Variants in ARHGEF17 observed in about 807,000 individuals in gnomAD.
The protein encoded by ARHGEF17 is 164 kDa Rho-specific guanine-nucleotide exchange factor.
In ARHGEF17, 80 loss-of-function variants were observed where a neutral mutation model predicts 174.0. That is an observed-to-expected ratio of 0.46 (90% confidence interval 0.38 to 0.55). The LOEUF (loss-of-function observed/expected upper bound fraction) is 0.55. Among genes scored for constraint, ARHGEF17 ranks in the 20% least tolerant of loss-of-function variants. The pLI, the probability that ARHGEF17 is intolerant of heterozygous loss-of-function variation, is 0.00. For synonymous variants in ARHGEF17, 1,311 were observed against 1,189.1 expected, an observed-to-expected ratio of 1.10 and a Z score of -2.11; for missense variants, 2,886 against 2,839.7, an observed-to-expected ratio of 1.02 and a Z score of -0.37.
chr11:73,362,367 G>C, intron 13 of ARHGEF17, 66 bp from the exon 14 acceptor site: 1 of 1,459,752 alleles, frequency 6.9e-7, no homozygotes, highest in Non-Finnish European at 9.0e-7. Context: ...GGGTCGGTGG[G>C]CGTGTCCACC....
intron 13 of ARHGEF17, 78 bp downstream of exon 13, chr11:73,362,317 C>A (rs1274767753): frequency 2.1e-6 from 3 of 1,446,794 alleles, no homozygotes; most frequent in African/African-American, 2.8e-5. Flanking sequence ...TCTCAGGCCG[C>A]CCCGGCGTGG....
chr11:73,339,116 G>T (rs781416265), intron 1 of ARHGEF17, among the ~76,000 whole-genome samples: 1 of 152,156 alleles, frequency 6.6e-6, no homozygotes, highest in African/African-American at 2.4e-5. Context: ...TGCTGCCCCA[G>T]TACCGGCATT....
Position 73,352,889 on chromosome 11 carries a change from G to A in ARHGEF17, c.3330G>A (p.Val1110=). Residue 1110 remains valine, a synonymous_variant, in exon 3 of 21, where the codon GTG becomes GTA. Transcript: ENST00000263674. ...ENSVLCDPSL[V]DEIFDQIPEL... ...CCGTGCTCTGTGACCCTTCACTGGT[G>A]GACGAGATCTTCGACCAGATCCCCG... 6.2e-7 allele frequency: 1 copy of A among 1,614,140 alleles called. No individual in the cohort carries two copies. Among genetic ancestry groups the A allele is most frequent in the Non-Finnish European group, 8.5e-7 (1 of 1,180,050 alleles).
At chr11:73,312,488 A>G (rs1864855539) in intron 1 of ARHGEF17, among the ~76,000 whole-genome samples, 1 of 152,122 alleles carries the variant, frequency 6.6e-6, no homozygotes, top group African/African-American at 2.4e-5. Context: ...TGGACAAACT[A>G]GTGCCTATGT....
intron 1 of ARHGEF17, among the ~76,000 whole-genome samples, chr11:73,345,071 A>C (rs1426391308): frequency 1.3e-5 from 2 of 152,144 alleles, no homozygotes; most frequent in East Asian, 3.9e-4. Flanking sequence ...GGGCAGGATT[A>C]GGCATCTGGG....
chr11:73,324,560 G>C (rs1210674639), intron 1 of ARHGEF17, among the ~76,000 whole-genome samples: 1 of 152,218 alleles, frequency 6.6e-6, no homozygotes, highest in Non-Finnish European at 1.5e-5. Flanking sequence ...CACAGGCCCA[G>C]AGAAGGTGAG....
chr11:73,362,570 C>G lies in ARHGEF17; in HGVS notation c.4832C>G (p.Ser1611Cys). The G allele has an allele frequency of 6.2e-7, 1 of 1,609,972 alleles. No individual in the cohort carries two copies. Among genetic ancestry groups the G allele is most frequent in the Non-Finnish European group, 8.5e-7 (1 of 1,179,782 alleles). The change falls in exon 14 of 21, where the codon TCC becomes TGC. Residue 1611 changes from serine to cysteine, a missense_variant. By Grantham distance (112) the Ser-to-Cys change is moderately radical (BLOSUM62 -1). Transcript: ENST00000263674. ...GGGCCGCAGCCCTGCCTTCACATCT[C>G]CATTGCAGGCTCGGGCTTGGAGATG... ...EPGPQPCLHISIAGSGLEMTP... is the reference protein window; with the variant it reads ...EPGPQPCLHICIAGSGLEMTP...
chr11:73,354,045 C>A (rs542303383), intron 3 of ARHGEF17, among the ~76,000 whole-genome samples: 8 of 152,156 alleles, frequency 5.3e-5, no homozygotes, highest in East Asian at 3.8e-4. Context: ...AAAAATTTTA[C>A]AAGTGAAAAA....
Position 73,364,519 on chromosome 11 carries a change from G to A in ARHGEF17, c.5469G>A (p.Lys1823=). 1 of 1,613,902 alleles carries A rather than the reference G, an allele frequency of 6.2e-7. No individual in the cohort carries two copies. Among genetic ancestry groups the A allele is most frequent in the South Asian group, 1.1e-5 (1 of 91,080 alleles). ...TLGTQGSPIT[K]MVSVGGRLWC... ...GCACCCAGGGGAGCCCCATCACCAA[G>A]ATGGTATCTGTGGGTGGGCGGCTGT... The change falls in exon 18 of 21, where the codon AAG becomes AAA. Residue 1823 remains lysine (K), a synonymous_variant. Transcript: ENST00000263674.
chr11:73,341,004 G>A (rs552146394), intron 1 of ARHGEF17, among the ~76,000 whole-genome samples: 9 of 152,200 alleles, frequency 5.9e-5, no homozygotes, highest in Non-Finnish European at 1.2e-4. Flanking sequence ...TGGGCATGTG[G>A]GGAGAAGGGA....
chr11:73,348,480 T>A (rs1865501149), intron 2 of ARHGEF17, among the ~76,000 whole-genome samples: 1 of 152,302 alleles, frequency 6.6e-6, no homozygotes, highest in South Asian at 2.1e-4. Context: ...TGGATGAGCC[T>A]GGAGGACATG....
Position 73,309,231 on chromosome 11 carries a change from G to A in ARHGEF17, c.593G>A (p.Arg198His). ...LTGPETEGRLRRPQQQQERAQ... is the reference protein window; with the variant it reads ...LTGPETEGRLHRPQQQQERAQ... The stretch of plus-strand genomic sequence containing the variant: ...GGGCCGGAGACCGAAGGGAGGCTGC[G>A]CCGGCCGCAGCAGCAACAGGAGCGG... Residue 198 changes from arginine to histidine, a missense_variant, in exon 1 of 21, where the codon CGC (arginine) becomes CAC (histidine). Coordinates refer to ENST00000263674, the MANE Select transcript of ARHGEF17 (RefSeq NM_014786.4). 6.2e-7 allele frequency: 1 copy of A among 1,602,386 alleles called. No homozygotes were observed. The highest frequency in any genetic ancestry group is 8.5e-7 in the Non-Finnish European group (1 of 1,174,560).
intron 6 of ARHGEF17, 52 bp downstream of exon 6, chr11:73,356,403 T>A: frequency 6.7e-7 from 1 of 1,483,650 alleles, no homozygotes; most frequent in Non-Finnish European, 8.9e-7. Context: ...CACATCTGTG[T>A]CCACTCGGCC....
intron 3 of ARHGEF17, among the ~76,000 whole-genome samples, chr11:73,354,456 T>C (rs1326212867): frequency 6.6e-6 from 1 of 152,062 alleles, no homozygotes; most frequent in African/African-American, 2.4e-5. Flanking sequence ...TGGTTCACGC[T>C]TGTAATCCCA....
At chr11:73,311,921 TCAGGTGCC>T in intron 1 of ARHGEF17, 91 bp downstream of exon 1, 3 of 1,427,552 alleles carry the variant, frequency 2.1e-6, no homozygotes, top group South Asian at 1.4e-5. Flanking sequence ...TATTCACTGG[TCAGGTGCC>T]CAGGTGCCAA....
At chr11:73,348,252 C>T (rs118044935) in intron 2 of ARHGEF17, among the ~76,000 whole-genome samples, 68 of 152,316 alleles carry the variant, frequency 4.5e-4, no homozygotes, top group Non-Finnish European at 8.2e-4. Context: ...CACAAATCCA[C>T]GGTGAGCCCC....
chr11:73,365,432 T>A lies in ARHGEF17; in HGVS notation c.5593T>A (p.Cys1865Ser). 1 of 1,614,014 alleles carries A rather than the reference T, an allele frequency of 6.2e-7. No homozygotes were observed. Residue 1865 changes from cysteine (C) to serine (S), a missense_variant, in exon 19 of 21, where the codon TGC (cysteine) becomes AGC (serine). This residue lies in a region of ARHGEF17 where 329 missense variants were observed against 435.2 expected (regional missense o/e 0.76). Coordinates refer to ENST00000263674, the MANE Select transcript of ARHGEF17 (RefSeq NM_014786.4). This position sits in a 1 kb window ranked among gnomAD's most constrained non-coding sequence, Gnocchi z 4.9. ...TCAGGATTCAAGCCGCTGCGTGGCT[T>A]GCATGGTGGACTCCAGCCTGGGTGT... ...VGQDSSRCVA[C>S]MVDSSLGVWV...
chr11:73,333,977 GC>G (rs1203521751), intron 1 of ARHGEF17, among the ~76,000 whole-genome samples: 5 of 152,214 alleles, frequency 3.3e-5, no homozygotes, highest in Admixed American at 3.3e-4. Context: ...ACTGATACTT[GC>G]TTTCATTCAT....
At position 73,355,939 on chromosome 11, in the gene ARHGEF17, G is replaced by A; in HGVS notation, c.3649G>A (p.Glu1217Lys). The A allele has an allele frequency of 5.6e-6, 9 of 1,614,154 alleles. No individual in the cohort carries two copies. The highest frequency in any genetic ancestry group is 2.2e-5 in the East Asian group (1 of 44,884). ...IKPVQRIPRYELLVKDLLKHT... is the reference protein window; with the variant it reads ...IKPVQRIPRYKLLVKDLLKHT... ...GCCTGTGCAGCGGATCCCACGCTACGAGCTTCTGGTGAAGGTGGGCATGGA... is the reference window on the plus strand; with the variant it reads ...GCCTGTGCAGCGGATCCCACGCTACAAGCTTCTGGTGAAGGTGGGCATGGA... Residue 1217 changes from glutamate to lysine, a missense_variant, in exon 5 of 21, where the codon GAG (glutamate) becomes AAG (lysine). Transcript: ENST00000263674.
Sources: gnomAD v4.1 joint callset for allele counts (sites outside exome capture counted in the v4.1 genomes callset) on GRCh38, gnomAD v4.1.1 for gene constraint, gnomAD v4.1.1 regional missense constraint, Gnocchi (gnomAD v3.1) non-coding constraint, MANE v1.5 for transcripts, NCBI Gene and HGNC (gene_info 2026-07-23, HGNC 2026-07-21) for gene names.